MYO9A: variants seen among roughly 807,000 people sequenced by gnomAD.
MYO9A encodes the protein myosin IXA, also known as unconventional myosin-IXa.
MYO9A carries 103 observed loss-of-function variants against 293.3 expected under a neutral mutation model. The ratio of observed to expected loss-of-function variants is 0.35; its 90% CI spans 0.30 to 0.41. The LOEUF (loss-of-function observed/expected upper bound fraction) is 0.41, where lower values mean the gene tolerates loss of function less well. Ranked by LOEUF, MYO9A falls within the 10% of genes least tolerant of loss-of-function variation. The probability of loss-of-function intolerance (pLI) is 1.00; values close to 1 mark genes in which losing one functional copy is unlikely to be tolerated. For missense variants in MYO9A, 2,685 were observed against 3,033.0 expected (o/e 0.89, Z 2.69); for synonymous variants, 1,001 against 1,035.7 (o/e 0.97, Z 0.64).
intron 2 of MYO9A, among the ~76,000 whole-genome samples, chr15:72,043,743 A>G (rs181080656): frequency 6.6e-6 from 1 of 152,296 alleles, no homozygotes; most frequent in African/African-American, 2.4e-5. Flanking sequence ...AACTCTGGGG[A>G]TAATGGATAT....
chr15:71,825,580 AAACT>A lies in MYO9A; in HGVS notation c.*996_*999del, dbSNP rs767710561. 6.6e-5 allele frequency: 10 copies of A among 152,260 alleles called. No individual in the cohort carries two copies. Among genetic ancestry groups the A allele is most frequent in the Non-Finnish European group, 1.2e-4 (8 of 68,008 alleles). The allele number at this position is 152,260 out of a possible 1,614,324, so 9.4% of individuals were successfully genotyped here. A position where few individuals can be genotyped will look rare whatever the true frequency, so the allele number is the denominator to read the frequency against. On this transcript the variant is annotated 3_prime_UTR_variant, in exon 42 of 42. Coordinates refer to ENST00000356056, the MANE Select transcript of MYO9A (RefSeq NM_006901.4). ...CAATATTGTATGTGAATGTTTTTGGAAACTAACTAAACGGTCACATTATTTGTTT... is the reference window on the plus strand; with the variant it reads ...CAATATTGTATGTGAATGTTTTTGGAAACTAAACGGTCACATTATTTGTTT...
At position 71,991,136 on chromosome 15, in the gene MYO9A, G is replaced by C. The variant is rs2076533790; in HGVS notation, c.1689C>G (p.His563Gln). ...ATTTAAAGATATGCTGATTAAAGTA[G>C]TGCTGTAAACGTTCATTAGCAAAAT... ...CINFANERLQ[H>Q]YFNQHIFKLE... Residue 563 changes from histidine (H) to glutamine (Q), a missense_variant, in exon 11 of 42, where the codon CAC becomes CAG. His to Gln is a conservative substitution (Grantham distance 24, BLOSUM62 0). Transcript: ENST00000356056. 6.2e-7 allele frequency: 1 copy of C among 1,607,596 alleles called. No homozygotes were observed. The highest frequency in any genetic ancestry group is 8.5e-7 in the Non-Finnish European group (1 of 1,177,538).
chr15:71,843,839 A>G (rs1456806192), intron 39 of MYO9A, among the ~76,000 whole-genome samples: 1 of 152,228 alleles, frequency 6.6e-6, no homozygotes, highest in Non-Finnish European at 1.5e-5. Flanking sequence ...TGGCTAAAAA[A>G]TAGTAGCTAA....
chr15:71,893,606 A>G lies in MYO9A; in HGVS notation c.5142+73T>C, dbSNP rs977850639. On this transcript the variant is annotated intron_variant, in intron 26 of 41. Coordinates refer to ENST00000356056, the MANE Select transcript of MYO9A (RefSeq NM_006901.4). ...TGGGTAGATGAGGTGCTCTACCTAC[A>G]AGAATAATAATTTCCAAAATAATGT... 6 of 1,249,584 alleles carry G rather than the reference A, an allele frequency of 4.8e-6. No individual in the cohort carries two copies. The African/African-American group carries it at 9.0e-5, about 19-fold the overall frequency. The allele number at this position is 1,249,584 out of a possible 1,614,324, so 77.4% of individuals were successfully genotyped here.
chr15:72,071,935 C>T (rs547561938), intron 1 of MYO9A, among the ~76,000 whole-genome samples: 7 of 150,950 alleles, frequency 4.6e-5, no homozygotes, highest in Admixed American at 3.3e-4. Context: ...CCAGGTGTGG[C>T]GGTATATGCC....
At chr15:71,975,649 C>G (rs1277266267) in intron 12 of MYO9A, among the ~76,000 whole-genome samples, 1 of 152,038 alleles carries the variant, frequency 6.6e-6, no homozygotes, top group Admixed American at 6.6e-5. Flanking sequence ...GATTGTGAAT[C>G]AAAAGATCCT....
At chr15:72,014,670 A>G (rs1308809573) in intron 6 of MYO9A, among the ~76,000 whole-genome samples, 1 of 151,834 alleles carries the variant, frequency 6.6e-6, no homozygotes, top group Non-Finnish European at 1.5e-5. Flanking sequence ...TAGGTGACAG[A>G]GCGAGATACC....
intron 1 of MYO9A, among the ~76,000 whole-genome samples, chr15:72,059,813 G>T (rs960893672): frequency 6.6e-6 from 1 of 152,158 alleles, no homozygotes; most frequent in Admixed American, 6.5e-5. Flanking sequence ...ACATTTGCCT[G>T]CCTTGTAATA....
intron 1 of MYO9A, among the ~76,000 whole-genome samples, chr15:72,067,663 A>G (rs1165643408): frequency 6.6e-6 from 1 of 152,232 alleles, no homozygotes. Flanking sequence ...GGGACGCCAC[A>G]TGGAGACTAG....
chr15:71,827,876 T>A lies in MYO9A; in HGVS notation c.7183+8A>T, dbSNP rs1187748153. The A allele has an allele frequency of 3.1e-6, 5 of 1,611,084 alleles. No individual in the cohort carries two copies. In the Admixed American group the frequency reaches 8.4e-5, roughly 27 times the overall value. ...ATCTGGAGTCTTTGGTCTACCATGTTCACTTACCTGATTTCTCAGAGATAG... is the reference window on the plus strand; with the variant it reads ...ATCTGGAGTCTTTGGTCTACCATGTACACTTACCTGATTTCTCAGAGATAG... On this transcript the variant is annotated splice_region_variant and intron_variant, in intron 41 of 41. Coordinates refer to ENST00000356056, the MANE Select transcript of MYO9A (RefSeq NM_006901.4).
intron 39 of MYO9A, among the ~76,000 whole-genome samples, chr15:71,837,750 TA>T (rs2054999218): frequency 1.3e-5 from 2 of 152,254 alleles, no homozygotes; most frequent in South Asian, 4.1e-4. Flanking sequence ...AAGTAATTTT[TA>T]AAAAGTTGAT....
At chr15:72,047,703 T>C (rs1283981145) in intron 1 of MYO9A, among the ~76,000 whole-genome samples, 1 of 151,652 alleles carries the variant, frequency 6.6e-6, no homozygotes, top group Non-Finnish European at 1.5e-5. Context: ...ACCTTATTTA[T>C]TTCATCCTTT....
chr15:72,057,550 T>C (rs1198812118), intron 1 of MYO9A, among the ~76,000 whole-genome samples: 1 of 152,194 alleles, frequency 6.6e-6, no homozygotes, highest in Admixed American at 6.5e-5. Context: ...AGAGAGACAT[T>C]TGCTGTGACC....
intron 32 of MYO9A, 152 bp downstream of exon 32, chr15:71,875,639 T>C (rs1428586008): frequency 8.5e-6 from 3 of 354,748 alleles, no homozygotes; most frequent in Admixed American, 4.8e-5. Context: ...CATCTAATCA[T>C]TCTAAATTTT....
At chr15:72,014,202 C>T (rs1340312488) in intron 6 of MYO9A, among the ~76,000 whole-genome samples, 2 of 152,212 alleles carry the variant, frequency 1.3e-5, no homozygotes, top group Non-Finnish European at 1.5e-5. Context: ...AAGCCAATTG[C>T]TCCTATGGTG....
Position 72,093,944 on chromosome 15 carries a change from G to C in MYO9A, c.-72+23736C>G, listed in dbSNP as rs370075410. Among the ~76,000 whole-genome samples, 232 of 90,614 alleles carry C rather than the reference G, an allele frequency of 2.6e-3. 36 individuals are homozygous for C. The highest frequency in any genetic ancestry group is 5.4e-3 in the African/African-American group (207 of 38,690). 59.4% of individuals were successfully genotyped at this position (90,614 alleles called of 152,430 possible). A position where few individuals can be genotyped will look rare whatever the true frequency, so the allele number is the denominator to read the frequency against. On this transcript the variant is annotated intron_variant, in intron 1 of 41. Coordinates refer to ENST00000356056, the MANE Select transcript of MYO9A (RefSeq NM_006901.4). ...AAAAATAAAATAAAATCATTGAAAA[G>C]TAGTGAACTTAAAACATACATCTGA... is the stretch of plus-strand genomic sequence containing the variant.
chr15:71,865,452 C>T (rs1408898493), intron 32 of MYO9A, among the ~76,000 whole-genome samples: 1 of 152,130 alleles, frequency 6.6e-6, no homozygotes, highest in Non-Finnish European at 1.5e-5. Flanking sequence ...TATATCCATA[C>T]AACAGAATAT....
At chr15:72,001,035 A>T (rs1314668783) in intron 8 of MYO9A, among the ~76,000 whole-genome samples, 1 of 152,200 alleles carries the variant, frequency 6.6e-6, no homozygotes, top group Non-Finnish European at 1.5e-5. Context: ...GAATACTACC[A>T]AACTCCTATA....
At chr15:72,076,652 C>T (rs2079361471) in intron 1 of MYO9A, among the ~76,000 whole-genome samples, 1 of 152,180 alleles carries the variant, frequency 6.6e-6, no homozygotes, top group African/African-American at 2.4e-5. Context: ...CTCAGTATTA[C>T]TAAGATGTGA....
Sources: allele counts gnomAD v4.1 joint callset (sites outside exome capture counted in the v4.1 genomes callset), GRCh38; gene constraint gnomAD v4.1.1; transcripts MANE v1.5; gene names NCBI Gene and HGNC (gene_info 2026-07-23, HGNC 2026-07-21).